Variants in DARS2 observed in about 807,000 individuals in gnomAD.
The protein encoded by DARS2 is aspartate--tRNA ligase, mitochondrial.
Under a neutral mutation model 83.0 loss-of-function variants are expected in DARS2, and 63 were observed. The observed-to-expected ratio is 0.76, with a 90% CI of 0.62 to 0.94. DARS2 has a LOEUF of 0.94. DARS2 is among the 40% of genes least tolerant of loss of function. The pLI, the probability that DARS2 is intolerant of heterozygous loss-of-function variation, is 0.00. For missense variants in DARS2, 675 were observed against 774.4 expected (o/e 0.87, Z 1.52); for synonymous variants, 250 against 269.3 (o/e 0.93, Z 0.70).
chr1:173,839,416 T>G lies in DARS2; in HGVS notation c.890T>G (p.Ile297Ser). The change falls in exon 10 of 17, where the codon ATT becomes AGT. Residue 297 changes from isoleucine to serine, a missense_variant. Transcript: ENST00000649689. The stretch of plus-strand genomic sequence containing the variant: ...GACCAGACTGGGATCCAGAGTTTAA[T>G]TGAGGGTTTGCTCCAGTATTCCTGG... The part of the protein sequence containing the change: ...FVDQTGIQSL[I>S]EGLLQYSWPN... The G allele has an allele frequency of 6.2e-7, 1 of 1,614,198 alleles. No homozygotes were observed. The highest frequency in any genetic ancestry group is 8.5e-7 in the Non-Finnish European group (1 of 1,180,016).
chr1:173,854,300 AT>A (rs1275197287), intron 15 of DARS2, among the ~76,000 whole-genome samples: 1 of 152,154 alleles, frequency 6.6e-6, no homozygotes, highest in African/African-American at 2.4e-5. Flanking sequence ...TTTATTAAAC[AT>A]TTGTTATGAT....
rs756138454 is a variant in DARS2, at chr1:173,853,423, C to G, written c.1419C>G (p.Pro473=). 4.7e-5 allele frequency: 76 copies of G among 1,613,978 alleles called. No individual in the cohort carries two copies. The highest frequency in any genetic ancestry group is 6.3e-5 in the Non-Finnish European group (74 of 1,180,038). ...CAAGAGGAGTGGTGCTCCGTGACCCCACTCTGTTCTCTTTCCTTTGGGTGG... is the reference window on the plus strand; with the variant it reads ...CAAGAGGAGTGGTGCTCCGTGACCCGACTCTGTTCTCTTTCCTTTGGGTGG... The part of the protein sequence containing the change: ...LETRGVVLRD[P]TLFSFLWVVD... The change falls in exon 14 of 17, where the codon CCC becomes CCG. Residue 473 remains proline (P), a synonymous_variant. Transcript: ENST00000649689.
rs1653392249 is a variant in DARS2, at chr1:173,845,315, T to G, written c.1191+24T>G. ...AGGTAAGGAGTTAATTAGAGCAGTT[T>G]TTTTCCTTATACAGATTCAATATTT... is the stretch of plus-strand genomic sequence containing the variant. On this transcript the variant is annotated intron_variant, in intron 12 of 16. Coordinates refer to ENST00000649689, the MANE Select transcript of DARS2 (RefSeq NM_018122.5). 2.0e-6 allele frequency: 3 copies of G among 1,531,924 alleles called. No homozygotes were observed. The African/African-American group carries it at 4.1e-5, about 21-fold the overall frequency. The allele number at this position is 1,531,924 out of a possible 1,614,324, so 94.9% of individuals were successfully genotyped here.
At chr1:173,838,285 T>G in intron 9 of DARS2, 26 bp downstream of exon 9, 1 of 1,576,814 alleles carries the variant, frequency 6.3e-7, no homozygotes, top group Non-Finnish European at 8.7e-7. Flanking sequence ...CACTTGTTTC[T>G]TAAAATTCAG....
At chr1:173,850,737 C>T (rs1359538372) in intron 13 of DARS2, among the ~76,000 whole-genome samples, 1 of 151,768 alleles carries the variant, frequency 6.6e-6, no homozygotes, top group Admixed American at 6.6e-5. Context: ...TCCTGAGTAG[C>T]TGGGATTACA....
At chr1:173,850,607 T>A in intron 13 of DARS2, 128 bp downstream of exon 13, 26 of 563,310 alleles carry the variant, frequency 4.6e-5, no homozygotes, top group Non-Finnish European at 5.9e-5. Context: ...GCATAAATCT[T>A]TTTTTTTTTT....
intron 13 of DARS2, chr1:173,852,177 C>G (rs1653695724): frequency 4.1e-6 from 4 of 985,260 alleles, no homozygotes; most frequent in Non-Finnish European, 4.8e-6. Flanking sequence ...ATAGAATGGG[C>G]TGCAAAATAA....
intron 11 of DARS2, among the ~76,000 whole-genome samples, chr1:173,843,815 G>A (rs1156546588): frequency 6.6e-6 from 1 of 152,204 alleles, no homozygotes; most frequent in Non-Finnish European, 1.5e-5. Flanking sequence ...AGAGGGCAGT[G>A]CCAGTGTGGG....
In DARS2 at chr1:173,828,261, T is replaced by C; in HGVS notation, c.228-72T>C. Reference sequence around the variant, plus strand: ...TGCATGGATTTTTGTTTGCTTTTTATTTTGTATGCTTCAACTTTGGACTTA... The same window carrying C: ...TGCATGGATTTTTGTTTGCTTTTTACTTTGTATGCTTCAACTTTGGACTTA... On this transcript the variant is annotated intron_variant, in intron 2 of 16. Coordinates refer to ENST00000649689, the MANE Select transcript of DARS2 (RefSeq NM_018122.5). 6.8e-6 allele frequency: 10 copies of C among 1,468,096 alleles called. 1 individual carries two copies. The Middle Eastern group carries it at 1.6e-3, about 229-fold the overall frequency. 90.9% of individuals were successfully genotyped at this position (1,468,096 alleles called of 1,614,324 possible). A position where few individuals can be genotyped will look rare whatever the true frequency, so the allele number is the denominator to read the frequency against.
intron 9 of DARS2, among the ~76,000 whole-genome samples, chr1:173,839,002 T>C (rs1653111273): frequency 6.6e-6 from 1 of 152,208 alleles, no homozygotes; most frequent in South Asian, 2.1e-4. Context: ...CCCAAAGTGC[T>C]AGGTTTACAG....
intron 16 of DARS2, 26 bp downstream of exon 16, chr1:173,856,767 T>C: frequency 2.5e-6 from 4 of 1,592,794 alleles, no homozygotes; most frequent in Non-Finnish European, 3.4e-6. Flanking sequence ...TTTTATAAGA[T>C]AAACTGAATT....
intron 15 of DARS2, among the ~76,000 whole-genome samples, chr1:173,856,107 G>A (rs762078086): frequency 6.6e-6 from 1 of 152,058 alleles, no homozygotes; most frequent in Non-Finnish European, 1.5e-5. Context: ...CTAAGCATAA[G>A]GCTTTGGCCT....
chr1:173,835,284 G>T (rs929436169), intron 7 of DARS2, among the ~76,000 whole-genome samples: 2 of 150,582 alleles, frequency 1.3e-5, no homozygotes, highest in African/African-American at 4.9e-5. Context: ...TAGAGACGGG[G>T]TTTCGCATGT....
chr1:173,838,638 A>G (rs1653095004), intron 9 of DARS2, among the ~76,000 whole-genome samples: 1 of 151,988 alleles, frequency 6.6e-6, no homozygotes, highest in Admixed American at 6.6e-5. Context: ...TATTATGAAT[A>G]ATTTTATATA....
At chr1:173,834,982 G>GT (rs1652951381) in intron 7 of DARS2, among the ~76,000 whole-genome samples, 1 of 150,994 alleles carries the variant, frequency 6.6e-6, no homozygotes. Flanking sequence ...GAGTTTCACC[G>GT]TTTTGGCCAG....
At position 173,825,023 on chromosome 1, in the gene DARS2, C is replaced by A; in HGVS notation, c.-207C>A. 3.5e-6 allele frequency: 2 copies of A among 566,692 alleles called. No homozygotes were observed. Among genetic ancestry groups the A allele is most frequent in the Non-Finnish European group, 6.1e-6 (2 of 328,020 alleles). 35.1% of individuals were successfully genotyped at this position (566,692 alleles called of 1,614,324 possible). On this transcript the variant is annotated 5_prime_UTR_variant, in exon 1 of 17. Coordinates refer to ENST00000649689, the MANE Select transcript of DARS2 (RefSeq NM_018122.5). ...GGGAGAGGTCTTTCCCTTATCTCCA[C>A]CCCAGCAAGCACCCCAGAGACCTTG...
chr1:173,836,882 T>C lies in DARS2; in HGVS notation c.664-58T>C, dbSNP rs1276277138. On this transcript the variant is annotated intron_variant, in intron 7 of 16. Transcript: ENST00000649689. ...CAACTTCTACTAGTTAGTTATACTT[T>C]GGGTTTGTTTTTGTTTTTTAATAAT... 7 of 1,403,764 alleles carry C rather than the reference T, an allele frequency of 5.0e-6. No homozygotes were observed. In the South Asian group the frequency reaches 7.0e-5, roughly 14 times the overall value. The allele number at this position is 1,403,764 out of a possible 1,614,324, so 87.0% of individuals were successfully genotyped here. A position where few individuals can be genotyped will look rare whatever the true frequency, so the allele number is the denominator to read the frequency against.
chr1:173,856,479 T>G (rs925046020), intron 15 of DARS2, among the ~76,000 whole-genome samples, 187 bp from the exon 16 acceptor site: 1 of 152,262 alleles, frequency 6.6e-6, no homozygotes, highest in African/African-American at 2.4e-5. Flanking sequence ...CTTTTTCCCT[T>G]ACTAACCTGC....
rs1282720428 is a variant in DARS2 at position 173,837,042 on chromosome 1, G to C, written c.766G>C (p.Asp256His). Residue 256 changes from aspartate (D) to histidine (H), a missense_variant, in exon 8 of 17, where the codon GAC becomes CAC. By Grantham distance (81) the Asp-to-His change is moderately conservative (BLOSUM62 -1). Coordinates refer to ENST00000649689, the MANE Select transcript of DARS2 (RefSeq NM_018122.5). The part of the protein sequence containing the change: ...FKQLLMVGGL[D>H]RYFQVARCYR... ...GCAACTTCTGATGGTTGGCGGTTTA[G>C]ACAGGTGAGCTTTTTTTATGCTAGC... 3 of 1,613,230 alleles carry C rather than the reference G, an allele frequency of 1.9e-6. No individual in the cohort carries two copies. The Admixed American group carries it at 5.0e-5, about 27-fold the overall frequency.
Sources: allele counts gnomAD v4.1 joint callset (sites outside exome capture counted in the v4.1 genomes callset), GRCh38; gene constraint gnomAD v4.1.1; transcripts MANE v1.5; gene names NCBI Gene and HGNC (gene_info 2026-07-23, HGNC 2026-07-21).